CD3E: variants seen among roughly 807,000 people sequenced by gnomAD.
CD3E encodes T-cell surface glycoprotein CD3 epsilon chain.
Under a neutral mutation model 34.7 loss-of-function variants are expected in CD3E, and 16 were observed. The ratio of observed to expected loss-of-function variants is 0.46; its 90% confidence interval spans 0.31 to 0.70. The LOEUF is 0.70. Among genes scored for constraint, CD3E ranks in the 30% least tolerant of loss-of-function variants. The pLI is 0.05. For synonymous variants in CD3E, 70 were observed against 90.8 expected, an observed-to-expected ratio of 0.77 and a Z score of 1.30; for missense variants, 223 against 253.9, an observed-to-expected ratio of 0.88 and a Z score of 0.83.
intron 6 of CD3E, chr11:118,313,124 G>T (rs1353124174): frequency 1.9e-5 from 10 of 518,562 alleles, no homozygotes; most frequent in Non-Finnish European, 3.5e-5. Flanking sequence ...GACAGGACTG[G>T]GTCATTTGCA....
At position 118,312,673 on chromosome 11, in the gene CD3E, T is replaced by G. The variant is rs759367644; in HGVS notation, c.159T>G (p.Pro53=). The G allele has an allele frequency of 6.2e-7, 1 of 1,614,084 alleles. No individual in the cohort carries two copies. The highest frequency in any genetic ancestry group is 1.7e-5 in the Admixed American group (1 of 60,034). ...TAATATTGACATGCCCTCAGTATCC[T>G]GGATCTGAAATACTATGGCAACACA... ...TTVILTCPQY[P]GSEILWQHND... is the part of the protein sequence containing the mutation. The change falls in exon 6 of 9, where the codon CCT becomes CCG. Residue 53 remains proline, a synonymous_variant. Coordinates refer to ENST00000361763, the MANE Select transcript of CD3E (RefSeq NM_000733.4).
rs369800605 is a variant in CD3E, at chr11:118,304,949, A to G, written c.-4A>G. The G allele has an allele frequency of 8.1e-6, 13 of 1,613,828 alleles. No homozygotes were observed. The highest frequency in any genetic ancestry group is 1.3e-5 in the African/African-American group (1 of 74,906). On this transcript the variant is annotated 5_prime_UTR_variant, in exon 2 of 9. Coordinates refer to ENST00000361763, the MANE Select transcript of CD3E (RefSeq NM_000733.4). ...TAGTAAAGTAACAGTCCCATGAAAC[A>G]AAGATGCAGTCGGGCACTCACTGGA...
chr11:118,315,432 T>G, intron 8 of CD3E, 54 bp from the exon 9 acceptor site: 1 of 1,482,622 alleles, frequency 6.7e-7, no homozygotes, highest in Non-Finnish European at 9.4e-7. Context: ...TGTCCTTTCT[T>G]AGGAGGTACT....
At chr11:118,305,100 A>T in intron 2 of CD3E, 99 bp downstream of exon 2, 1 of 1,079,364 alleles carries the variant, frequency 9.3e-7, no homozygotes, top group South Asian at 1.2e-5. Flanking sequence ...AGCCTCATTT[A>T]CCAGATGTAA....
At position 118,315,660 on chromosome 11, in the gene CD3E, G is replaced by C. The variant is rs1354401984; in HGVS notation, c.*118G>C. On this transcript the variant is annotated 3_prime_UTR_variant, in exon 9 of 9. Transcript: ENST00000361763. ...GAGAGAATCGTTCCTCAGCCTCATG[G>C]TGAACTCGCGCCCTCCAGCCTGATC... 1.0e-5 allele frequency: 9 copies of C among 888,770 alleles called. No individual in the cohort carries two copies. Among genetic ancestry groups the C allele is most frequent in the Non-Finnish European group, 1.6e-5 (9 of 551,528 alleles). 55.1% of individuals were successfully genotyped at this position (888,770 alleles called of 1,614,324 possible). A position where few individuals can be genotyped will look rare whatever the true frequency, so the allele number is the denominator to read the frequency against.
chr11:118,307,178 G>A, intron 2 of CD3E, 110 bp from the exon 3 acceptor site: 1 of 798,402 alleles, frequency 1.3e-6, no homozygotes, highest in Non-Finnish European at 2.2e-6. Flanking sequence ...CAAGAGGGAA[G>A]GACATCAGAT....
intron 8 of CD3E, 143 bp from the exon 9 acceptor site, chr11:118,315,343 C>A: frequency 1.4e-6 from 1 of 700,694 alleles, no homozygotes; most frequent in Non-Finnish European, 2.5e-6. Flanking sequence ...CTCCTACCGT[C>A]CATGCCAAAT....
intron 5 of CD3E, 168 bp from the exon 6 acceptor site, chr11:118,312,450 C>T (rs754677669): frequency 1.2e-6 from 1 of 816,692 alleles, no homozygotes; most frequent in Non-Finnish European, 2.0e-6. Context: ...CTTCATTCCA[C>T]ATATCTCCTC....
At chr11:118,313,977 T>A in intron 7 of CD3E, 103 bp downstream of exon 7, 1 of 1,096,768 alleles carries the variant, frequency 9.1e-7, no homozygotes, top group Non-Finnish European at 1.4e-6. Context: ...ACAGCTTCTC[T>A]AGAGCTTCTA....
intron 2 of CD3E, among the ~76,000 whole-genome samples, chr11:118,306,224 A>C (rs1357407586): frequency 6.6e-6 from 1 of 152,170 alleles, no homozygotes; most frequent in African/African-American, 2.4e-5. Flanking sequence ...GGCCAGGTGC[A>C]GTGGCTTACG....
chr11:118,305,534 C>T (rs1948100991), intron 2 of CD3E, among the ~76,000 whole-genome samples: 1 of 152,148 alleles, frequency 6.6e-6, no homozygotes, highest in Non-Finnish European at 1.5e-5. Context: ...TTCTGTATCT[C>T]ATATGAGATA....
chr11:118,313,062 G>C, intron 6 of CD3E, 196 bp downstream of exon 6: 1 of 683,540 alleles, frequency 1.5e-6, no homozygotes, highest in East Asian at 2.8e-5. Context: ...CCAATATGAG[G>C]CTTCTGGGTA....
intron 6 of CD3E, chr11:118,313,175 A>G (rs541368653): frequency 5.1e-4 from 217 of 428,484 alleles, no homozygotes; most frequent in African/African-American, 3.0e-3. Flanking sequence ...ACATGAGTTT[A>G]TCTAATGCTT....
Position 118,315,658 on chromosome 11 carries a change from T to G in CD3E, c.*116T>G, listed in dbSNP as rs567060197. The G allele has an allele frequency of 2.1e-6, 2 of 931,176 alleles. No homozygotes were observed. 57.7% of individuals were successfully genotyped at this position (931,176 alleles called of 1,614,324 possible). On this transcript the variant is annotated 3_prime_UTR_variant, in exon 9 of 9. Coordinates refer to ENST00000361763, the MANE Select transcript of CD3E (RefSeq NM_000733.4). ...GAGAGAGAATCGTTCCTCAGCCTCA[T>G]GGTGAACTCGCGCCCTCCAGCCTGA...
In CD3E at chr11:118,315,733, T is replaced by C. The variant is rs2134770208; in HGVS notation, c.*191T>C. The C allele has an allele frequency of 1.6e-6, 1 of 639,648 alleles. No individual in the cohort carries two copies. The highest frequency in any genetic ancestry group is 2.7e-5 in the East Asian group (1 of 36,650). The allele number at this position is 639,648 out of a possible 1,614,324, so 39.6% of individuals were successfully genotyped here. A position where few individuals can be genotyped will look rare whatever the true frequency, so the allele number is the denominator to read the frequency against. On this transcript the variant is annotated 3_prime_UTR_variant, in exon 9 of 9. Coordinates refer to ENST00000361763, the MANE Select transcript of CD3E (RefSeq NM_000733.4). ...TCTCTGCTGGTACCCAGTCCTAAAA[T>C]ATTGCTGCTTCCTCTTCCTTTGAAG...
intron 3 of CD3E, among the ~76,000 whole-genome samples, chr11:118,307,601 T>C (rs1948114671): frequency 6.6e-6 from 1 of 152,198 alleles, no homozygotes; most frequent in Non-Finnish European, 1.5e-5. Context: ...ATATTTGATG[T>C]GAGATTCTGC....
rs1001290668 is a variant in CD3E at position 118,314,367 on chromosome 11, A to G, written c.521-81A>G. The G allele has an allele frequency of 1.4e-5, 16 of 1,170,730 alleles. No individual in the cohort carries two copies. In the Admixed American group the frequency reaches 1.5e-4, roughly 11 times the overall value. 72.5% of individuals were successfully genotyped at this position (1,170,730 alleles called of 1,614,324 possible). On this transcript the variant is annotated intron_variant, in intron 7 of 8. Transcript: ENST00000361763. ...AGAACAATGGGGTTTGCCATTCTCTATCTGGGTCTCACTGGCACAGACAGT... is the reference window on the plus strand; with the variant it reads ...AGAACAATGGGGTTTGCCATTCTCTGTCTGGGTCTCACTGGCACAGACAGT...
intron 4 of CD3E, among the ~76,000 whole-genome samples, chr11:118,308,807 T>A (rs1015646111): frequency 1.3e-5 from 2 of 152,238 alleles, no homozygotes; most frequent in African/African-American, 4.8e-5. Flanking sequence ...AACAAACATA[T>A]GAACACATTG....
At chr11:118,307,940 G>A (rs1948116771) in intron 3 of CD3E, among the ~76,000 whole-genome samples, 1 of 152,160 alleles carries the variant, frequency 6.6e-6, no homozygotes, top group African/African-American at 2.4e-5. Flanking sequence ...AGGCCGAGGT[G>A]GGCAGATCAC....
Sources: gnomAD v4.1 joint callset for allele counts (sites outside exome capture counted in the v4.1 genomes callset) on GRCh38, gnomAD v4.1.1 for gene constraint, MANE v1.5 for transcripts, NCBI Gene and HGNC (gene_info 2026-07-23, HGNC 2026-07-21) for gene names.